The following LIN52 variants were observed in gnomAD, a reference collection of about 807,000 sequenced individuals.
LIN52 encodes lin-52 DREAM MuvB core complex component.
LIN52 carries 4 observed loss-of-function variants against 18.5 expected under a neutral mutation model. The observed-to-expected ratio is 0.22, with a 90% confidence interval of 0.11 to 0.49. The LOEUF (loss-of-function observed/expected upper bound fraction) is 0.49. Ranked by LOEUF, LIN52 falls within the 20% of genes least tolerant of loss-of-function variation. The pLI, the probability that LIN52 is intolerant of heterozygous loss-of-function variation, is 0.97. For synonymous variants in LIN52, 34 were observed against 45.5 expected, an observed-to-expected ratio of 0.75 and a Z score of 1.02; for missense variants, 102 against 139.5, an observed-to-expected ratio of 0.73 and a Z score of 1.35.
chr14:74,155,541 T>C (rs2061195834), intron 5 of LIN52, among the ~76,000 whole-genome samples: 2 of 152,342 alleles, frequency 1.3e-5, no homozygotes, highest in Middle Eastern at 3.4e-3. Flanking sequence ...TGATCGTCTC[T>C]TCTCTGCCCC....
At chr14:74,144,037 A>G (rs1237968221) in intron 5 of LIN52, among the ~76,000 whole-genome samples, 1 of 150,466 alleles carries the variant, frequency 6.6e-6, no homozygotes. Context: ...TCATGGCAGT[A>G]TTTGTCTTTC....
At chr14:74,173,984 C>T (rs1357441663) in intron 5 of LIN52, among the ~76,000 whole-genome samples, 2 of 152,110 alleles carry the variant, frequency 1.3e-5, no homozygotes, top group Non-Finnish European at 1.5e-5. Flanking sequence ...GTGAAGAAAC[C>T]CAGGTTCTGT....
intron 5 of LIN52, among the ~76,000 whole-genome samples, chr14:74,157,035 C>CTTTTTTTT (rs71115964): frequency 3.6e-5 from 5 of 138,316 alleles, no homozygotes; most frequent in Admixed American, 7.4e-5. Flanking sequence ...TTTTCTTTTT[C>CTTTTTTTT]TTTTTTTTTT....
chr14:74,114,979 A>G (rs2060955695), intron 5 of LIN52, among the ~76,000 whole-genome samples: 2 of 152,198 alleles, frequency 1.3e-5, no homozygotes, highest in African/African-American at 4.8e-5. Flanking sequence ...CTACAAGTTT[A>G]AAAAGTTGTT....
At chr14:74,183,462 G>A (rs947312838) in intron 5 of LIN52, among the ~76,000 whole-genome samples, 2 of 152,038 alleles carry the variant, frequency 1.3e-5, no homozygotes, top group African/African-American at 2.4e-5. Context: ...AATCATCCCT[G>A]TCTCTGCTCC....
intron 5 of LIN52, among the ~76,000 whole-genome samples, chr14:74,128,583 C>CAAACT (rs2061041107): frequency 6.6e-6 from 1 of 152,166 alleles, no homozygotes; most frequent in Non-Finnish European, 1.5e-5. Context: ...CAAAACATAC[C>CAAACT]AAACTATACA....
At chr14:74,089,967 G>T (rs887134015) in intron 1 of LIN52, among the ~76,000 whole-genome samples, 1 of 151,974 alleles carries the variant, frequency 6.6e-6, no homozygotes, top group Non-Finnish European at 1.5e-5. Flanking sequence ...GCATCTAGGG[G>T]TGGGTGCCTG....
intron 5 of LIN52, among the ~76,000 whole-genome samples, chr14:74,135,169 A>AT (rs1566857919): frequency 6.6e-6 from 1 of 151,822 alleles, no homozygotes; most frequent in Non-Finnish European, 1.5e-5. Flanking sequence ...GGTTCAAGCG[A>AT]TTCCCCTGGC....
At chr14:74,194,734 C>T (rs181717866) in intron 5 of LIN52, among the ~76,000 whole-genome samples, 26 of 152,288 alleles carry the variant, frequency 1.7e-4, no homozygotes, top group Admixed American at 1.5e-3. Flanking sequence ...CTCTCCTGCA[C>T]GGCATACACC....
At chr14:74,187,380 G>A (rs893212191) in intron 5 of LIN52, among the ~76,000 whole-genome samples, 1 of 152,080 alleles carries the variant, frequency 6.6e-6, no homozygotes, top group South Asian at 2.1e-4. Flanking sequence ...ATTTTAACCT[G>A]ACAGAAATAC....
chr14:74,171,971 A>C (rs1156652204), intron 5 of LIN52, among the ~76,000 whole-genome samples: 1 of 152,150 alleles, frequency 6.6e-6, no homozygotes, highest in Non-Finnish European at 1.5e-5. Flanking sequence ...AACTGACCTC[A>C]GATGATCTGC....
At chr14:74,143,767 A>G (rs2139547427) in intron 5 of LIN52, among the ~76,000 whole-genome samples, 1 of 152,268 alleles carries the variant, frequency 6.6e-6, no homozygotes, top group South Asian at 2.1e-4. Flanking sequence ...ACATGCATTT[A>G]TTATTTCTTT....
intron 5 of LIN52, among the ~76,000 whole-genome samples, chr14:74,139,823 CTG>C (rs2061119563): frequency 1.3e-5 from 2 of 152,116 alleles, no homozygotes; most frequent in Admixed American, 1.3e-4. Flanking sequence ...TTTATATTCA[CTG>C]TGTTTCACAT....
chr14:74,169,065 A>T (rs773768127), intron 5 of LIN52, among the ~76,000 whole-genome samples: 5 of 152,264 alleles, frequency 3.3e-5, no homozygotes, highest in Non-Finnish European at 5.9e-5. Context: ...AAAATAAAAA[A>T]GAATTTCCGG....
chr14:74,129,546 T>C (rs868537118), intron 5 of LIN52, among the ~76,000 whole-genome samples: 65 of 152,126 alleles, frequency 4.3e-4, no homozygotes, highest in African/African-American at 1.4e-3. Context: ...CCCAGACTGC[T>C]TTTCTGTATT....
intron 5 of LIN52, among the ~76,000 whole-genome samples, chr14:74,157,926 G>T (rs546672426): frequency 1.3e-5 from 2 of 152,158 alleles, no homozygotes; most frequent in African/African-American, 4.8e-5. Flanking sequence ...TGCATCATTT[G>T]CCAGATGGTG....
intron 1 of LIN52, among the ~76,000 whole-genome samples, chr14:74,086,371 G>A (rs906283776): frequency 6.6e-6 from 1 of 152,042 alleles, no homozygotes; most frequent in African/African-American, 2.4e-5. Flanking sequence ...TAGAAATTAT[G>A]GCTGGGCGTG....
At chr14:74,184,094 G>T (rs954184591) in intron 5 of LIN52, among the ~76,000 whole-genome samples, 2 of 152,022 alleles carry the variant, frequency 1.3e-5, no homozygotes, top group African/African-American at 4.8e-5. Context: ...TGTCTGATAG[G>T]ATTCCCCACA....
intron 5 of LIN52, among the ~76,000 whole-genome samples, chr14:74,183,259 G>A (rs1004163208): frequency 5.9e-5 from 9 of 151,924 alleles, no homozygotes; most frequent in Admixed American, 1.3e-4. Flanking sequence ...CACCACGCCC[G>A]GCTAATTTTT....
Sources: allele counts gnomAD v4.1 joint callset (sites outside exome capture counted in the v4.1 genomes callset), GRCh38; gene constraint gnomAD v4.1.1; transcripts MANE v1.5; gene names NCBI Gene and HGNC (gene_info 2026-07-23, HGNC 2026-07-21).